The following HYAL1 variants were observed in gnomAD, a reference collection of about 807,000 sequenced individuals.
HYAL1 encodes the protein hyaluronidase 1, also known as hyaluronidase-1.
In HYAL1, 21 loss-of-function variants were observed where a neutral mutation model predicts 28.8. The ratio of observed to expected loss-of-function variants is 0.73; its 90% CI spans 0.52 to 1.05. The LOEUF (loss-of-function observed/expected upper bound fraction) is 1.05, where lower values mean the gene tolerates loss of function less well. Ranked by LOEUF, HYAL1 falls within the 50% of genes least tolerant of loss-of-function variation. The probability of loss-of-function intolerance (pLI) is 0.00; values close to 1 mark genes in which losing one functional copy is unlikely to be tolerated. For synonymous variants in HYAL1, 200 were observed against 230.1 expected, an observed-to-expected ratio of 0.87 and a Z score of 1.18; for missense variants, 491 against 579.2, an observed-to-expected ratio of 0.85 and a Z score of 1.56.
In HYAL1 at chr3:50,302,515, G is replaced by A. The variant is rs782455731; in HGVS notation, c.442C>T (p.Arg148Trp). ...TGTACCAGTGCCCGTGAGCGCTGCC[G>A]GTAAATGTCCTTGGTGTCCCAGTTG... Reference protein sequence around the residue: ...AFNWDTKDIYRQRSRALVQAQ... With the variant: ...AFNWDTKDIYWQRSRALVQAQ... Residue 148 changes from arginine to tryptophan, a missense_variant, in exon 2 of 4, where the codon CGG becomes TGG. By Grantham distance (101) the Arg-to-Trp change is moderately radical. Coordinates refer to ENST00000395144, the MANE Select transcript of HYAL1 (RefSeq NM_033159.4). The surrounding 1 kb of genome is among the most constrained non-coding windows in gnomAD (Gnocchi z 5.0). 8.7e-6 allele frequency: 14 copies of A among 1,614,040 alleles called. 1 individual carries two copies. The highest frequency in any genetic ancestry group is 3.3e-5 in the South Asian group (3 of 91,084).
upstream of HYAL1, among the ~76,000 whole-genome samples, chr3:50,305,604 C>T (rs1182799581): frequency 4.0e-5 from 6 of 149,994 alleles, no homozygotes; most frequent in Admixed American, 2.7e-4. Flanking sequence ...GGCATGATCT[C>T]GGCTCACTGC....
upstream of HYAL1, among the ~76,000 whole-genome samples, chr3:50,304,291 AAAAAAAT>A (rs1702285016): frequency 1.7e-5 from 1 of 60,100 alleles, no homozygotes; most frequent in African/African-American, 7.5e-5. Context: ...AAAAAAAAAA[AAAAAAAT>A]ATATATATAT....
chr3:50,302,788 C>T lies in HYAL1; in HGVS notation c.169G>A (p.Asp57Asn), dbSNP rs782673830. Residue 57 changes from aspartate (D) to asparagine (N), a missense_variant, in exon 2 of 4, where the codon GAT becomes AAT. Physicochemically the swap from Asp to Asn is conservative, Grantham distance 23. Transcript: ENST00000395144. The surrounding 1 kb of genome is among the most constrained non-coding windows in gnomAD (Gnocchi z 5.0). ...HGVDVDVSVF[D>N]VVANPGQTFR... ...GTCTGCCCTGGGTTGGCTACCACAT[C>T]GAAGACACTGACATCCACGTCCACA... is the stretch of plus-strand genomic sequence containing the variant. 5.6e-6 allele frequency: 9 copies of T among 1,614,042 alleles called. No individual in the cohort carries two copies. The highest frequency in any genetic ancestry group is 1.6e-4 in the Middle Eastern group (1 of 6,062).
At chr3:50,310,890 CAT>C (rs1412379046) in intron 1 of HYAL1, among the ~76,000 whole-genome samples, 9 of 151,626 alleles carry the variant, frequency 5.9e-5, no homozygotes, top group African/African-American at 1.9e-4. Flanking sequence ...GGACACAGCA[CAT>C]GTTTCAGAGA....
At chr3:50,307,652 G>A (rs1553714150), upstream of HYAL1, among the ~76,000 whole-genome samples, 1 of 110,092 alleles carries the variant, frequency 9.1e-6, no homozygotes, top group African/African-American at 3.9e-5. Flanking sequence ...CTGCACTCCA[G>A]CCTGGGTGAC....
Position 50,300,967 on chromosome 3 carries a change from TCA to T in HYAL1, c.990+19_990+20del. On this transcript the variant is annotated intron_variant, in intron 3 of 3. Coordinates refer to ENST00000395144, the MANE Select transcript of HYAL1 (RefSeq NM_033159.4). ...CCCCACCCCTCCCCCACCCCCACCC[TCA>T]TGCCAGGCCTAAGCTCACCTTGGTT... is the stretch of plus-strand genomic sequence containing the variant. 1 of 304,012 alleles carries T rather than the reference TCA, an allele frequency of 3.3e-6. No individual in the cohort carries two copies. Among genetic ancestry groups the T allele is most frequent in the Non-Finnish European group, 6.2e-6 (1 of 161,472 alleles). The allele number at this position is 304,012 out of a possible 1,614,324, so 18.8% of individuals were successfully genotyped here. A position where few individuals can be genotyped will look rare whatever the true frequency, so the allele number is the denominator to read the frequency against.
At chr3:50,307,522 T>TA (rs587653904), upstream of HYAL1, among the ~76,000 whole-genome samples, 316 of 144,314 alleles carry the variant, frequency 2.2e-3, 3 homozygotes, top group Admixed American at 0.017. Flanking sequence ...CTACTAAAAA[T>TA]ACAAAAAATT....
Position 50,300,442 on chromosome 3 carries a change from T to G in HYAL1, c.*41A>C. ...GAGGAAGCCCTGGCCAGACCCAGAG[T>G]GCATTAGGTTCTCAATATGTGCAAC... On this transcript the variant is annotated 3_prime_UTR_variant, in exon 4 of 4. Transcript: ENST00000395144. 6.2e-7 allele frequency: 1 copy of G among 1,601,118 alleles called. No individual in the cohort carries two copies. The highest frequency in any genetic ancestry group is 8.6e-7 in the Non-Finnish European group (1 of 1,168,472).
chr3:50,302,964 G>A lies in HYAL1; in HGVS notation c.-8C>T. On this transcript the variant is annotated 5_prime_UTR_variant, in exon 2 of 4. Coordinates refer to ENST00000395144, the MANE Select transcript of HYAL1 (RefSeq NM_033159.4). This position sits in a 1 kb window ranked among gnomAD's most constrained non-coding sequence, Gnocchi z 5.0. ...AAGCAGGTGGGCTGCCATGGCACGG[G>A]ACTGGTCGAGGACAACCTGGCCAGG... 1 of 1,552,842 alleles carries A rather than the reference G, an allele frequency of 6.4e-7. No individual in the cohort carries two copies. Among genetic ancestry groups the A allele is most frequent in the Non-Finnish European group, 8.7e-7 (1 of 1,147,576 alleles).
chr3:50,310,205 A>T (rs912658368), intron 1 of HYAL1, among the ~76,000 whole-genome samples: 1 of 146,314 alleles, frequency 6.8e-6, no homozygotes, highest in Non-Finnish European at 1.5e-5. Flanking sequence ...TAAGTTTTCA[A>T]TTTTTTTCCT....
At chr3:50,311,906 T>TCC (rs1702472629) in intron 1 of HYAL1, among the ~76,000 whole-genome samples, 1 of 128,904 alleles carries the variant, frequency 7.8e-6, no homozygotes, top group African/African-American at 3.1e-5. Flanking sequence ...TGATCCCCCC[T>TCC]CCCCTCACGG....
chr3:50,309,371 G>GTAGCCT (rs1702401945), intron 2 of HYAL1, among the ~76,000 whole-genome samples: 1 of 147,570 alleles, frequency 6.8e-6, no homozygotes, highest in Non-Finnish European at 1.5e-5. Flanking sequence ...GGCTAAGGCA[G>GTAGCCT]TAGAATCGCT....
At position 50,300,970 on chromosome 3, in the gene HYAL1, T is replaced by A; in HGVS notation, c.990+18A>T. ...CACCCCTCCCCCACCCCCACCCTCATGCCAGGCCTAAGCTCACCTTGGTTC... is the reference window on the plus strand; with the variant it reads ...CACCCCTCCCCCACCCCCACCCTCAAGCCAGGCCTAAGCTCACCTTGGTTC... On this transcript the variant is annotated intron_variant, in intron 3 of 3. Transcript: ENST00000395144. 5 of 428,396 alleles carry A rather than the reference T, an allele frequency of 1.2e-5. No individual in the cohort carries two copies. Among genetic ancestry groups the A allele is most frequent in the Non-Finnish European group, 2.1e-5 (5 of 236,610 alleles). The allele number at this position is 428,396 out of a possible 1,614,324, so 26.5% of individuals were successfully genotyped here.
intron 2 of HYAL1, among the ~76,000 whole-genome samples, chr3:50,309,077 T>A (rs1410918213): frequency 6.6e-6 from 1 of 151,350 alleles, no homozygotes; most frequent in Admixed American, 6.6e-5. Flanking sequence ...ATTTGGAGCA[T>A]ATTTGTTTCT....
chr3:50,301,187 C>G, intron 2 of HYAL1, 110 bp from the exon 3 acceptor site: 2 of 728,782 alleles, frequency 2.7e-6, no homozygotes, highest in Admixed American at 4.9e-5. Flanking sequence ...TGGGGCTGCT[C>G]TGGCCATGGG....
chr3:50,300,350 A>G lies in HYAL1; in HGVS notation c.*133T>C, dbSNP rs1553712314. 1 of 868,318 alleles carries G rather than the reference A, an allele frequency of 1.2e-6. No homozygotes were observed. The highest frequency in any genetic ancestry group is 1.6e-5 in the African/African-American group (1 of 60,750). 53.8% of individuals were successfully genotyped at this position (868,318 alleles called of 1,614,324 possible). A position where few individuals can be genotyped will look rare whatever the true frequency, so the allele number is the denominator to read the frequency against. Reference sequence around the variant, plus strand: ...AAGTATGCATGTGTGTGCAGGGAATATGCCTGTGACAGTGGCTGAGTGTAC... The same window carrying G: ...AAGTATGCATGTGTGTGCAGGGAATGTGCCTGTGACAGTGGCTGAGTGTAC... On this transcript the variant is annotated 3_prime_UTR_variant, in exon 4 of 4. Coordinates refer to ENST00000395144, the MANE Select transcript of HYAL1 (RefSeq NM_033159.4).
upstream of HYAL1, among the ~76,000 whole-genome samples, chr3:50,306,219 CTTTTTTTTT>C (rs1173166946): frequency 1.2e-5 from 1 of 84,456 alleles, no homozygotes; most frequent in African/African-American, 4.5e-5. Context: ...CTGTACAACT[CTTTTTTTTT>C]TTTTTTTTTT....
upstream of HYAL1, among the ~76,000 whole-genome samples, chr3:50,308,074 T>C (rs1702373525): frequency 1.3e-5 from 2 of 150,840 alleles, no homozygotes; most frequent in African/African-American, 5.0e-5. Flanking sequence ...AGATTACAGG[T>C]GTGAGCCACC....
rs781838448 is a variant in HYAL1, at chr3:50,302,327, A to G, written c.630T>C (p.Tyr210=). 15 of 1,613,418 alleles carry G rather than the reference A, an allele frequency of 9.3e-6. No homozygotes were observed. Among genetic ancestry groups the G allele is most frequent in the Middle Eastern group, 1.6e-4 (1 of 6,084 alleles). ...GFYGFPDCYN[Y]DFLSPNYTGQ... ...CGGTGTAGTTGGGGCTTAGAAAGTC[A>G]TAGTTGTAGCAGTCAGGGAAGCCAT... Residue 210 remains tyrosine, a synonymous_variant, in exon 2 of 4, where the codon TAT becomes TAC. Coordinates refer to ENST00000395144, the MANE Select transcript of HYAL1 (RefSeq NM_033159.4). The surrounding 1 kb of genome is among the most constrained non-coding windows in gnomAD (Gnocchi z 5.0).
Sources: allele counts gnomAD v4.1 joint callset (sites outside exome capture counted in the v4.1 genomes callset), GRCh38; gene constraint gnomAD v4.1.1; non-coding constraint Gnocchi (gnomAD v3.1); transcripts MANE v1.5; gene names NCBI Gene and HGNC (gene_info 2026-07-23, HGNC 2026-07-21).